TIAM2: variants seen among roughly 807,000 people sequenced by gnomAD.
The protein encoded by TIAM2 is rho guanine nucleotide exchange factor TIAM2.
A neutral mutation model predicts 152.9 loss-of-function variants in TIAM2; 80 were observed. That is an observed-to-expected ratio of 0.52 (90% CI 0.44 to 0.63). The LOEUF is 0.63. Among genes scored for constraint, TIAM2 ranks in the 30% least tolerant of loss-of-function variants. The probability of loss-of-function intolerance (pLI) is 0.00; values close to 1 mark genes in which losing one functional copy is unlikely to be tolerated. For missense variants in TIAM2, 1,965 were observed against 2,120.1 expected (o/e 0.93, Z 1.44); for synonymous variants, 804 against 838.0 (o/e 0.96, Z 0.70).
chr6:155,071,766 G>T (rs1410785234), intron 1 of TIAM2, among the ~76,000 whole-genome samples: 2 of 152,014 alleles, frequency 1.3e-5, no homozygotes, highest in Non-Finnish European at 2.9e-5. Flanking sequence ...TGTGGTGGTG[G>T]ATGCCTGTAA....
At chr6:155,058,344 T>C (rs548267503) in intron 1 of TIAM2, among the ~76,000 whole-genome samples, 1 of 152,322 alleles carries the variant, frequency 6.6e-6, no homozygotes, top group East Asian at 1.9e-4. Context: ...CATTAGTATA[T>C]GGTTAGTTCC....
intron 1 of TIAM2, among the ~76,000 whole-genome samples, chr6:155,022,844 A>C (rs74895115): frequency 0.021 from 3,221 of 152,322 alleles, 71 homozygotes; most frequent in African/African-American, 0.058. Context: ...AGTAGGGAAG[A>C]GGGCTAACGA....
chr6:155,140,740 T>A (rs548400672), intron 5 of TIAM2, among the ~76,000 whole-genome samples: 1 of 151,660 alleles, frequency 6.6e-6, no homozygotes, highest in Non-Finnish European at 1.5e-5. Flanking sequence ...TGGGTGAGAG[T>A]GAACAGCAGT....
chr6:155,083,821 A>G (rs1778121597), intron 1 of TIAM2, among the ~76,000 whole-genome samples: 2 of 152,324 alleles, frequency 1.3e-5, no homozygotes, highest in Admixed American at 6.5e-5. Flanking sequence ...TCCAGAAGTA[A>G]AGTCTTATAT....
intron 15 of TIAM2, among the ~76,000 whole-genome samples, chr6:155,212,500 T>C (rs1180048110): frequency 6.6e-6 from 1 of 152,212 alleles, no homozygotes; most frequent in Non-Finnish European, 1.5e-5. Context: ...TGTTTTTGTC[T>C]TAAATACAAA....
intron 15 of TIAM2, among the ~76,000 whole-genome samples, chr6:155,229,785 T>C (rs553145737): frequency 1.3e-5 from 2 of 152,226 alleles, no homozygotes; most frequent in South Asian, 4.1e-4. Flanking sequence ...GGACTCACAG[T>C]TCCACATGAC....
intron 1 of TIAM2, among the ~76,000 whole-genome samples, chr6:155,078,788 ACT>A (rs1778005343): frequency 6.6e-6 from 1 of 151,676 alleles, no homozygotes; most frequent in South Asian, 2.1e-4. Flanking sequence ...GATTCCACAC[ACT>A]CTTCAAATCC....
At chr6:155,125,068 C>T (rs1458509827) in intron 2 of TIAM2, among the ~76,000 whole-genome samples, 1 of 151,580 alleles carries the variant, frequency 6.6e-6, no homozygotes, top group Non-Finnish European at 1.5e-5. Flanking sequence ...CCTGAGAGTT[C>T]GAGACCAGCC....
intron 1 of TIAM2, among the ~76,000 whole-genome samples, chr6:155,038,215 C>T (rs984265195): frequency 2.0e-5 from 3 of 152,182 alleles, no homozygotes; most frequent in African/African-American, 4.8e-5. Flanking sequence ...TAAGCCTTCT[C>T]GCCCGTTATC....
chr6:155,039,129 T>C (rs377613375), intron 1 of TIAM2, among the ~76,000 whole-genome samples: 2 of 151,868 alleles, frequency 1.3e-5, no homozygotes, highest in East Asian at 3.9e-4. Flanking sequence ...CCTGGCTAAC[T>C]TTCATTTTTT....
chr6:155,036,928 C>G (rs1337352977), intron 1 of TIAM2, among the ~76,000 whole-genome samples: 1 of 152,106 alleles, frequency 6.6e-6, no homozygotes, highest in Admixed American at 6.6e-5. Context: ...TGGAGAAATT[C>G]TTAAAGTTCA....
At chr6:155,021,412 C>A (rs530431799) in intron 1 of TIAM2, among the ~76,000 whole-genome samples, 1 of 152,214 alleles carries the variant, frequency 6.6e-6, no homozygotes, top group Admixed American at 6.5e-5. Flanking sequence ...CAGACGCCTG[C>A]CACCGTGCCC....
intron 1 of TIAM2, among the ~76,000 whole-genome samples, chr6:155,020,252 A>G (rs1229650870): frequency 6.6e-6 from 1 of 152,330 alleles, no homozygotes; most frequent in East Asian, 1.9e-4. Flanking sequence ...ACCTGTGGAA[A>G]TTAGATCCAC....
intron 15 of TIAM2, among the ~76,000 whole-genome samples, chr6:155,224,820 G>A (rs932445757): frequency 6.6e-6 from 1 of 152,228 alleles, no homozygotes; most frequent in African/African-American, 2.4e-5. Flanking sequence ...TGCTTAGAAG[G>A]TTCTGGCCTG....
rs563769277 is a variant in TIAM2 at position 155,079,419 on chromosome 6, T to A, written c.-208-10870T>A. Reference sequence around the variant, plus strand: ...AATTTGTCAGATGTCTTTGCTGTCTTTTTTCCCCTTTGGCTCTAGGTCCTT... The same window carrying A: ...AATTTGTCAGATGTCTTTGCTGTCTATTTTCCCCTTTGGCTCTAGGTCCTT... On this transcript the variant is annotated intron_variant, in intron 1 of 26. Coordinates refer to ENST00000682666, the MANE Select transcript of TIAM2 (RefSeq NM_012454.4). Among the ~76,000 whole-genome samples the A allele has an allele frequency of 4.6e-5, 7 of 152,324 alleles. No homozygotes were observed. The South Asian group carries it at 1.5e-3, about 32-fold the overall frequency.
rs775187099 is a variant in TIAM2 at position 155,248,060 on chromosome 6, C to T, written c.3713C>T (p.Ser1238Phe). 6.2e-7 allele frequency: 1 copy of T among 1,614,148 alleles called. No homozygotes were observed. Reference protein sequence around the residue: ...LDARNPTKQHSSTLESYLIKP... With the variant: ...LDARNPTKQHFSTLESYLIKP... ...GCCCGGAACCCCACCAAGCAGCATTCCTCCACGCTGGAGTCCTACCTCATC... is the reference window on the plus strand; with the variant it reads ...GCCCGGAACCCCACCAAGCAGCATTTCTCCACGCTGGAGTCCTACCTCATC... The change falls in exon 20 of 27, where the codon TCC becomes TTC. Residue 1238 changes from serine (S) to phenylalanine (F), a missense_variant. Transcript: ENST00000682666.
At chr6:155,147,635 G>A (rs112210145) in intron 6 of TIAM2, among the ~76,000 whole-genome samples, 1,604 of 152,128 alleles carry the variant, frequency 0.011, 14 homozygotes, top group Middle Eastern at 0.027. Context: ...ACAGGCATGC[G>A]CCACCACGCC....
intron 1 of TIAM2, among the ~76,000 whole-genome samples, chr6:155,067,768 A>G: frequency 6.6e-6 from 1 of 151,940 alleles, no homozygotes; most frequent in Non-Finnish European, 1.5e-5. Context: ...TTAGCCTCCC[A>G]AGTACTGGGA....
intron 12 of TIAM2, among the ~76,000 whole-genome samples, chr6:155,181,355 C>G: frequency 6.6e-6 from 1 of 152,206 alleles, no homozygotes; most frequent in Middle Eastern, 3.2e-3. Flanking sequence ...TTAAAATGCT[C>G]AACCCCAAAC....
Sources: gnomAD v4.1 joint callset for allele counts (sites outside exome capture counted in the v4.1 genomes callset) on GRCh38, gnomAD v4.1.1 for gene constraint, MANE v1.5 for transcripts, NCBI Gene and HGNC (gene_info 2026-07-23, HGNC 2026-07-21) for gene names.